The following GABRG3 variants were observed in gnomAD, a reference collection of about 807,000 sequenced individuals.
The protein encoded by GABRG3 is gamma-aminobutyric acid receptor subunit gamma-3.
Under a neutral mutation model 48.8 loss-of-function variants are expected in GABRG3, and 25 were observed. The ratio of observed to expected loss-of-function variants is 0.51; its 90% CI spans 0.37 to 0.72. The LOEUF (loss-of-function observed/expected upper bound fraction) is 0.72, where lower values mean the gene tolerates loss of function less well. Among genes scored for constraint, GABRG3 ranks in the 30% least tolerant of loss-of-function variants. GABRG3 has a pLI of 0.00. For synonymous variants in GABRG3, 227 were observed against 217.6 expected, an observed-to-expected ratio of 1.04 and a Z score of -0.38; for missense variants, 394 against 577.9, an observed-to-expected ratio of 0.68 and a Z score of 3.26.
chr15:27,397,402 G>A (rs899735713), intron 5 of GABRG3, among the ~76,000 whole-genome samples: 3 of 152,058 alleles, frequency 2.0e-5, no homozygotes, highest in South Asian at 2.1e-4. Flanking sequence ...CTGATTTGCC[G>A]TGTCCAACTG....
At position 27,457,880 on chromosome 15, in the gene GABRG3, C is replaced by T. The variant is rs1889330340; in HGVS notation, c.575-22770C>T. Among the ~76,000 whole-genome samples, 1 of 152,234 alleles carries T rather than the reference C, an allele frequency of 6.6e-6. No individual in the cohort carries two copies. Among genetic ancestry groups the T allele is most frequent in the African/African-American group, 2.4e-5 (1 of 41,460 alleles). ...GCTTTCAATTGGAGTGTTCTCCTGA[C>T]TCCACATCTTTAAACAAAGCTTCCA... On this transcript the variant is annotated intron_variant, in intron 5 of 9. Coordinates refer to ENST00000615808, the MANE Select transcript of GABRG3 (RefSeq NM_033223.5). This position sits in a 1 kb window ranked among gnomAD's most constrained non-coding sequence, Gnocchi z 4.4.
chr15:27,248,801 CACAGAGAG>C (rs1403206702), intron 3 of GABRG3, among the ~76,000 whole-genome samples: 11 of 120,642 alleles, frequency 9.1e-5, no homozygotes, highest in East Asian at 4.8e-4. Flanking sequence ...CACACACACA[CACAGAGAG>C]AGAGAGAGAG....
At chr15:27,003,376 G>T (rs1333004347) in intron 2 of GABRG3, among the ~76,000 whole-genome samples, 2 of 151,770 alleles carry the variant, frequency 1.3e-5, no homozygotes, top group East Asian at 1.9e-4. Context: ...GCGGCCTTCC[G>T]CAGTGTTTGT....
At position 27,535,935 on chromosome 15, in the gene GABRG3, C is replaced by T. The variant is rs1170536158; in HGVS notation, c.*3054C>T. On this transcript the variant is annotated 3_prime_UTR_variant, in exon 10 of 10. Coordinates refer to ENST00000615808, the MANE Select transcript of GABRG3 (RefSeq NM_033223.5). The stretch of plus-strand genomic sequence containing the variant: ...ACGTGTGTGGGCACGAGGTGCAAGG[C>T]TGTTCCACACAGCTAAGCCCCAGCT... The T allele has an allele frequency of 6.6e-6, 1 of 152,256 alleles. No homozygotes were observed. The highest frequency in any genetic ancestry group is 6.5e-5 in the Admixed American group (1 of 15,274). 9.4% of individuals were successfully genotyped at this position (152,256 alleles called of 1,614,324 possible). A position where few individuals can be genotyped will look rare whatever the true frequency, so the allele number is the denominator to read the frequency against.
intron 3 of GABRG3, among the ~76,000 whole-genome samples, chr15:27,201,076 A>G (rs1888665481): frequency 6.6e-6 from 1 of 152,110 alleles, no homozygotes; most frequent in African/African-American, 2.4e-5. Context: ...AGAGCAGAAT[A>G]TTTGTGTTTA....
chr15:27,344,044 T>C (rs1485730939), intron 5 of GABRG3, among the ~76,000 whole-genome samples: 2 of 152,190 alleles, frequency 1.3e-5, no homozygotes, highest in Non-Finnish European at 2.9e-5. Context: ...AGGATGATGC[T>C]TGCATAAAAA....
chr15:27,188,058 C>A (rs1888157657), intron 3 of GABRG3, among the ~76,000 whole-genome samples: 1 of 152,018 alleles, frequency 6.6e-6, no homozygotes, highest in African/African-American at 2.4e-5. Flanking sequence ...GACCTGAACT[C>A]ATCATTTTTT....
chr15:27,348,669 T>A (rs1894458444), intron 5 of GABRG3, among the ~76,000 whole-genome samples: 1 of 152,112 alleles, frequency 6.6e-6, no homozygotes, highest in Non-Finnish European at 1.5e-5. Flanking sequence ...TACATAATAA[T>A]GCAAGCCATG....
At chr15:27,306,629 A>G (rs1244528303) in intron 3 of GABRG3, among the ~76,000 whole-genome samples, 1 of 127,882 alleles carries the variant, frequency 7.8e-6, no homozygotes, top group Non-Finnish European at 1.6e-5. Context: ...ATATAATATA[A>G]ACATATATTT....
chr15:27,366,536 G>A (rs1222324175), intron 5 of GABRG3: 1 of 152,166 alleles, frequency 6.6e-6, no homozygotes, highest in Non-Finnish European at 1.5e-5. Context: ...CCTGTCTGCG[G>A]GGTAGGTCTT....
At chr15:27,289,713 G>C (rs1031759914) in intron 3 of GABRG3, among the ~76,000 whole-genome samples, 14 of 152,128 alleles carry the variant, frequency 9.2e-5, no homozygotes, top group African/African-American at 3.4e-4. Context: ...TCCCACAGTT[G>C]GAATGAGAGT....
At chr15:27,450,605 C>T (rs1566846191) in intron 5 of GABRG3, among the ~76,000 whole-genome samples, 1 of 152,080 alleles carries the variant, frequency 6.6e-6, no homozygotes, top group Non-Finnish European at 1.5e-5. Flanking sequence ...ATTTATTACA[C>T]TCAATGGTGA....
rs148777800 is a variant in GABRG3 at position 27,384,526 on chromosome 15, C to T, written c.574+55638C>T. On this transcript the variant is annotated intron_variant, in intron 5 of 9. Coordinates refer to ENST00000615808, the MANE Select transcript of GABRG3 (RefSeq NM_033223.5). ...ACACACAAGTGCTTGATAAAGGGGA[C>T]GTTGGAGTCAATTTAATTGACGGAA... 1.1e-3 allele frequency among the ~76,000 whole-genome samples: 163 copies of T among 152,190 alleles called. 3 individuals carry two copies. The highest frequency in any genetic ancestry group is 3.5e-3 in the East Asian group (18 of 5,186).
chr15:27,179,090 G>C lies in GABRG3; in HGVS notation c.271-147719G>C, dbSNP rs910895915. On this transcript the variant is annotated intron_variant, in intron 3 of 9. Transcript: ENST00000615808. The surrounding 1 kb of genome is among the most constrained non-coding windows in gnomAD (Gnocchi z 4.0). Reference sequence around the variant, plus strand: ...TTTTCTTTTTGGGGCCTTCATTTTGGGTTATAGTTTTCTATCCCCAATAAA... The same window carrying C: ...TTTTCTTTTTGGGGCCTTCATTTTGCGTTATAGTTTTCTATCCCCAATAAA... Among the ~76,000 whole-genome samples the C allele has an allele frequency of 3.9e-5, 6 of 152,110 alleles. No homozygotes were observed. Among genetic ancestry groups the C allele is most frequent in the Non-Finnish European group, 8.8e-5 (6 of 68,028 alleles).
rs542273253 is a variant in GABRG3 at position 27,103,917 on chromosome 15, T to G, written c.270+77096T>G. Among the ~76,000 whole-genome samples the G allele has an allele frequency of 3.3e-5, 5 of 152,356 alleles. No homozygotes were observed. The East Asian group carries it at 9.7e-4, about 29-fold the overall frequency. ...AAATGACTGCCTTGTAAATGCTCTT[T>G]TGACATATCTGTTTCCCATGGTGAG... On this transcript the variant is annotated intron_variant, in intron 3 of 9. Coordinates refer to ENST00000615808, the MANE Select transcript of GABRG3 (RefSeq NM_033223.5).
At chr15:27,371,829 A>G (rs150402409) in intron 5 of GABRG3, among the ~76,000 whole-genome samples, 19 of 152,332 alleles carry the variant, frequency 1.2e-4, no homozygotes, top group Middle Eastern at 3.4e-3. Flanking sequence ...ATAACACTAA[A>G]TATTCAAAAG....
At position 27,328,997 on chromosome 15, in the gene GABRG3, A is replaced by G. The variant is rs75243712; in HGVS notation, c.574+109A>G. On this transcript the variant is annotated intron_variant, in intron 5 of 9. Coordinates refer to ENST00000615808, the MANE Select transcript of GABRG3 (RefSeq NM_033223.5). ...TTGATCACAGTGTCCCTGCACACAC[A>G]GAGAAAACTGATGATGGTTTCAGTA... 1.6e-3 allele frequency: 1,431 copies of G among 902,882 alleles called. 22 individuals are homozygous for G. In the East Asian group the frequency reaches 0.035, roughly 22 times the overall value. 55.9% of individuals were successfully genotyped at this position (902,882 alleles called of 1,614,324 possible).
intron 3 of GABRG3, among the ~76,000 whole-genome samples, chr15:27,295,876 G>T (rs1336050900): frequency 6.6e-6 from 1 of 152,220 alleles, no homozygotes; most frequent in Non-Finnish European, 1.5e-5. Context: ...CTGGGGTGGG[G>T]ACAGTAGCAT....
intron 5 of GABRG3, among the ~76,000 whole-genome samples, chr15:27,472,779 A>G (rs2150841160): frequency 6.6e-6 from 1 of 151,934 alleles, no homozygotes; most frequent in East Asian, 1.9e-4. Context: ...GAACATATGT[A>G]CTCTCTCTCT....
Sources: allele counts gnomAD v4.1 joint callset (sites outside exome capture counted in the v4.1 genomes callset), GRCh38; gene constraint gnomAD v4.1.1; non-coding constraint Gnocchi (gnomAD v3.1); transcripts MANE v1.5; gene names NCBI Gene and HGNC (gene_info 2026-07-23, HGNC 2026-07-21).